COBL: variants seen among roughly 807,000 people sequenced by gnomAD.
The protein encoded by COBL is protein cordon-bleu.
In COBL, 51 loss-of-function variants were observed where a neutral mutation model predicts 98.8. The ratio of observed to expected loss-of-function variants is 0.52; its 90% confidence interval spans 0.41 to 0.65. The LOEUF (loss-of-function observed/expected upper bound fraction) is 0.65. Ranked by LOEUF, COBL falls within the 30% of genes least tolerant of loss-of-function variation. COBL has a pLI of 0.00. For synonymous variants in COBL, 634 were observed against 651.7 expected (o/e 0.97, Z 0.41); for missense variants, 1,617 against 1,617.5 (o/e 1.00, Z 0.01).
chr7:51,160,363 GAC>G (rs781488680), intron 5 of COBL, among the ~76,000 whole-genome samples: 1 of 152,176 alleles, frequency 6.6e-6, no homozygotes, highest in Non-Finnish European at 1.5e-5. Flanking sequence ...TGTTGTTGAT[GAC>G]ACAGTCATCA....
At chr7:51,277,755 G>A (rs775688044) in intron 1 of COBL, among the ~76,000 whole-genome samples, 3 of 152,142 alleles carry the variant, frequency 2.0e-5, no homozygotes, top group African/African-American at 7.2e-5. Flanking sequence ...GTTGCTACAG[G>A]GATCCAGCAC....
chr7:51,059,364 C>T (rs2128908177), intron 7 of COBL, among the ~76,000 whole-genome samples: 1 of 152,284 alleles, frequency 6.6e-6, no homozygotes, highest in Non-Finnish European at 1.5e-5. Context: ...TATTGTTCTG[C>T]ATAAAGCTGC....
chr7:51,078,458 A>T (rs757033086), intron 7 of COBL, among the ~76,000 whole-genome samples: 7 of 152,176 alleles, frequency 4.6e-5, no homozygotes, highest in Non-Finnish European at 8.8e-5. Context: ...CTTCAGATTC[A>T]ACTAATACTG....
chr7:51,271,299 G>A (rs1563111383), intron 1 of COBL, among the ~76,000 whole-genome samples: 1 of 152,212 alleles, frequency 6.6e-6, no homozygotes, highest in Non-Finnish European at 1.5e-5. Flanking sequence ...CCTAAACCTA[G>A]ACTGGCTCCT....
intron 5 of COBL, among the ~76,000 whole-genome samples, chr7:51,155,193 T>C (rs1203237277): frequency 6.6e-6 from 1 of 152,168 alleles, no homozygotes; most frequent in Admixed American, 6.5e-5. Context: ...CCAAACCAAT[T>C]ACCAATATAT....
intron 2 of COBL, among the ~76,000 whole-genome samples, chr7:51,209,406 G>A (rs540920702): frequency 1.3e-5 from 2 of 152,296 alleles, no homozygotes; most frequent in Non-Finnish European, 2.9e-5. Context: ...GGGAGCACCT[G>A]GTGCGGCCTG....
At chr7:51,172,545 C>T in intron 5 of COBL, 1 of 1,282,420 alleles carries the variant, frequency 7.8e-7, no homozygotes, top group Non-Finnish European at 1.0e-6. Flanking sequence ...AACACAAGCA[C>T]CAGGCCACAT....
chr7:51,019,448 G>A (rs952654120), intron 12 of COBL, among the ~76,000 whole-genome samples: 2 of 152,144 alleles, frequency 1.3e-5, no homozygotes, highest in Non-Finnish European at 2.9e-5. Flanking sequence ...ATTATGTGAC[G>A]CTGTATTGGG....
rs764878675 is a variant in COBL at position 51,065,118 on chromosome 7, G to C, written c.1096+20048C>G. 4.3e-6 allele frequency: 3 copies of C among 693,714 alleles called. No homozygotes were observed. In the South Asian group the frequency reaches 4.5e-5, roughly 10 times the overall value. The allele number at this position is 693,714 out of a possible 1,614,324, so 43.0% of individuals were successfully genotyped here. On this transcript the variant is annotated intron_variant, in intron 7 of 12. Coordinates refer to ENST00000265136, the MANE Select transcript of COBL (RefSeq NM_015198.5). ...ACAGTATTCTAACAAGCACACAGAG[G>C]ATAGAAAAAAACAAGTGTTAGCTGA... is the stretch of plus-strand genomic sequence containing the variant.
intron 7 of COBL, chr7:51,083,144 T>C (rs1321809867): frequency 1.4e-6 from 2 of 1,395,970 alleles, no homozygotes; most frequent in Non-Finnish European, 1.9e-6. Context: ...GGGAGGAGGG[T>C]AGGGCGGGGG....
At chr7:51,283,275 CATG>C (rs1181656664) in intron 1 of COBL, among the ~76,000 whole-genome samples, 3 of 151,978 alleles carry the variant, frequency 2.0e-5, no homozygotes, top group Non-Finnish European at 4.4e-5. Context: ...TAATTACTAA[CATG>C]AGGAATAAAA....
In COBL at chr7:51,231,972, G is replaced by C. The variant is rs149677214; in HGVS notation, c.42-12028C>G. On this transcript the variant is annotated intron_variant, in intron 1 of 12. Transcript: ENST00000265136. ...CCAGGCCTGAGCTCCTGCCATGGTC[G>C]GACCTGAGTGCAGTAGAGGGTGGGA... Among the ~76,000 whole-genome samples, 873 of 152,264 alleles carry C rather than the reference G, an allele frequency of 5.7e-3. 2 individuals carry two copies. The highest frequency in any genetic ancestry group is 0.01 in the Non-Finnish European group (684 of 68,016).
chr7:51,221,605 T>A (rs1793645182), intron 1 of COBL, among the ~76,000 whole-genome samples: 1 of 152,242 alleles, frequency 6.6e-6, no homozygotes, highest in South Asian at 2.1e-4. Flanking sequence ...AGGAAAATTC[T>A]ATTTTTAAAG....
At chr7:51,034,983 C>CT (rs1476508345) in intron 8 of COBL, 1 of 152,168 alleles carries the variant, frequency 6.6e-6, no homozygotes, top group Non-Finnish European at 1.5e-5. Flanking sequence ...AATGTTTAGG[C>CT]TACTGGGGCA....
intron 2 of COBL, among the ~76,000 whole-genome samples, chr7:51,211,592 T>C (rs1426993331): frequency 6.6e-6 from 1 of 152,222 alleles, no homozygotes; most frequent in Admixed American, 6.5e-5. Flanking sequence ...GGGCAGAGGA[T>C]CACCTATCTG....
At chr7:51,246,026 T>C (rs1057173796) in intron 1 of COBL, among the ~76,000 whole-genome samples, 2 of 152,230 alleles carry the variant, frequency 1.3e-5, no homozygotes, top group Non-Finnish European at 2.9e-5. Context: ...CTATGAATTA[T>C]ACCATGTGGT....
chr7:51,229,233 T>C (rs947055424), intron 1 of COBL, among the ~76,000 whole-genome samples: 6 of 152,214 alleles, frequency 3.9e-5, no homozygotes, highest in African/African-American at 1.4e-4. Context: ...TAGTGACTTA[T>C]TCATAAATGT....
chr7:51,257,296 A>G (rs1471634323), intron 1 of COBL, among the ~76,000 whole-genome samples: 1 of 152,112 alleles, frequency 6.6e-6, no homozygotes, highest in Non-Finnish European at 1.5e-5. Context: ...CCTCAATAAA[A>G]CCTACATCAC....
intron 2 of COBL, among the ~76,000 whole-genome samples, chr7:51,217,394 T>C (rs916072858): frequency 2.0e-5 from 3 of 149,034 alleles, no homozygotes; most frequent in Non-Finnish European, 4.4e-5. Context: ...CAGGCTGTAA[T>C]GCAATGGCGT....
Sources: allele counts gnomAD v4.1 joint callset (sites outside exome capture counted in the v4.1 genomes callset), GRCh38; gene constraint gnomAD v4.1.1; transcripts MANE v1.5; gene names NCBI Gene and HGNC (gene_info 2026-07-23, HGNC 2026-07-21).